The following PLD1 variants were observed in gnomAD, a reference collection of about 807,000 sequenced individuals.
The protein encoded by PLD1 is phospholipase D1, also known as choline phosphatase 1.
In PLD1, 112 loss-of-function variants were observed where a neutral mutation model predicts 137.1. The ratio of observed to expected loss-of-function variants is 0.82; its 90% confidence interval spans 0.70 to 0.96. PLD1 has a LOEUF of 0.96. Among genes scored for constraint, PLD1 ranks in the 40% least tolerant of loss-of-function variants. PLD1 has a pLI of 0.00. For missense variants in PLD1, 1,321 were observed against 1,342.0 expected (o/e 0.98, Z 0.24); for synonymous variants, 431 against 454.7 (o/e 0.95, Z 0.66).
intron 19 of PLD1, among the ~76,000 whole-genome samples, chr3:171,671,542 C>T (rs1048132673): frequency 3.3e-5 from 5 of 152,306 alleles, no homozygotes; most frequent in African/African-American, 1.2e-4. Flanking sequence ...AGCCTCTTCA[C>T]TTGTCCCCTT....
At chr3:171,611,340 G>C (rs1290412572) in intron 25 of PLD1, 1 of 207,038 alleles carries the variant, frequency 4.8e-6, no homozygotes, top group African/African-American at 2.3e-5. Flanking sequence ...TATATTACTT[G>C]TTCCTTGTGA....
chr3:171,639,478 AATAG>A (rs1490687737), intron 23 of PLD1, among the ~76,000 whole-genome samples: 12 of 119,982 alleles, frequency 1.0e-4, no homozygotes, highest in African/African-American at 2.7e-4. Context: ...ATTCATTTTT[AATAG>A]ATAAATATTT....
chr3:171,620,742 C>CTCTCTATATATATA (rs1473647659), intron 23 of PLD1, among the ~76,000 whole-genome samples: 4 of 94,794 alleles, frequency 4.2e-5, no homozygotes, highest in Non-Finnish European at 8.1e-5. Flanking sequence ...CTCTCTCTCT[C>CTCTCTATATATATA]TATATATATA....
chr3:171,629,966 G>A (rs1274435888), intron 23 of PLD1, among the ~76,000 whole-genome samples: 2 of 152,206 alleles, frequency 1.3e-5, no homozygotes, highest in African/African-American at 2.4e-5. Context: ...AGGACTTCAT[G>A]TCTAAAACAC....
At chr3:171,636,303 T>G (rs1350413890) in intron 23 of PLD1, among the ~76,000 whole-genome samples, 1 of 152,012 alleles carries the variant, frequency 6.6e-6, no homozygotes, top group Non-Finnish European at 1.5e-5. Flanking sequence ...GCTTGTCAAT[T>G]TTTTCAAAAA....
Position 171,602,860 on chromosome 3 carries a change from C to T in PLD1, c.*218G>A, listed in dbSNP as rs1390811811. On this transcript the variant is annotated 3_prime_UTR_variant, in exon 27 of 27. Coordinates refer to ENST00000351298, the MANE Select transcript of PLD1 (RefSeq NM_002662.5). ...TACATGCTACCAACAAGAATGCAGC[C>T]CCCTTTTTACAAGTTAGGCAGAAGG... 7.1e-6 allele frequency: 4 copies of T among 564,510 alleles called. No homozygotes were observed. In the Admixed American group the frequency reaches 1.2e-4, roughly 18 times the overall value. The allele number at this position is 564,510 out of a possible 1,614,324, so 35.0% of individuals were successfully genotyped here. A position where few individuals can be genotyped will look rare whatever the true frequency, so the allele number is the denominator to read the frequency against.
intron 23 of PLD1, among the ~76,000 whole-genome samples, chr3:171,642,168 T>C (rs1578170998): frequency 6.6e-6 from 1 of 151,992 alleles, no homozygotes; most frequent in South Asian, 2.1e-4. Flanking sequence ...TAAGAACACA[T>C]CTGAGGCTGC....
chr3:171,781,609 C>G (rs148799728), intron 1 of PLD1, among the ~76,000 whole-genome samples: 18 of 152,276 alleles, frequency 1.2e-4, no homozygotes, highest in African/African-American at 4.1e-4. Flanking sequence ...GGAAGACAGA[C>G]TCGTGATCAC....
At chr3:171,688,985 C>A in intron 13 of PLD1, 109 bp from the exon 14 acceptor site, 2 of 743,404 alleles carry the variant, frequency 2.7e-6, no homozygotes, top group Non-Finnish European at 4.7e-6. Flanking sequence ...ATTCAAATAC[C>A]AAACTGTACA....
At chr3:171,631,267 C>G (rs1476057466) in intron 23 of PLD1, among the ~76,000 whole-genome samples, 2 of 152,048 alleles carry the variant, frequency 1.3e-5, no homozygotes, top group Non-Finnish European at 2.9e-5. Context: ...GGCCAGCAAT[C>G]CCAAACCTAT....
chr3:171,664,482 G>T (rs1250874761), intron 19 of PLD1, among the ~76,000 whole-genome samples: 1 of 150,664 alleles, frequency 6.6e-6, no homozygotes, highest in African/African-American at 2.4e-5. Flanking sequence ...TTTTGAGACG[G>T]AGTCTTGTTC....
At chr3:171,697,674 A>G (rs978132205) in intron 12 of PLD1, among the ~76,000 whole-genome samples, 2 of 152,150 alleles carry the variant, frequency 1.3e-5, no homozygotes, top group African/African-American at 2.4e-5. Context: ...GTTTACATCT[A>G]CTACACCTAG....
At position 171,628,710 on chromosome 3, in the gene PLD1, C is replaced by T. The variant is rs879433349; in HGVS notation, c.2594-8190G>A. Reference sequence around the variant, plus strand: ...TGGGATGCAAGGCTGGTTCAATATACGCAAATCAATAAATGTAATCCAGCA... The same window carrying T: ...TGGGATGCAAGGCTGGTTCAATATATGCAAATCAATAAATGTAATCCAGCA... On this transcript the variant is annotated intron_variant, in intron 23 of 26. Coordinates refer to ENST00000351298, the MANE Select transcript of PLD1 (RefSeq NM_002662.5). 3.7e-3 allele frequency among the ~76,000 whole-genome samples: 551 copies of T among 150,684 alleles called. 2 individuals are homozygous for T. The highest frequency in any genetic ancestry group is 5.9e-3 in the Non-Finnish European group (395 of 67,356).
chr3:171,789,577 AT>A lies in PLD1; in HGVS notation c.-32+20821del, dbSNP rs1361713411. 5 of 152,368 alleles carry A rather than the reference AT, an allele frequency of 3.3e-5. No individual in the cohort carries two copies. In the South Asian group the frequency reaches 6.2e-4, roughly 19 times the overall value. The allele number at this position is 152,368 out of a possible 1,614,324, so 9.4% of individuals were successfully genotyped here. ...AAAAAAAGGTACAAATGAGAAAAAA[AT>A]ATTTGTGCTATTGAAAACTTGGACA... On this transcript the variant is annotated intron_variant, in intron 1 of 26. Transcript: ENST00000351298.
intron 23 of PLD1, among the ~76,000 whole-genome samples, chr3:171,622,607 T>C (rs1733731602): frequency 6.6e-6 from 1 of 151,672 alleles, no homozygotes; most frequent in South Asian, 2.1e-4. Flanking sequence ...TAGGAAATGA[T>C]GAATACTTTC....
chr3:171,799,757 C>T (rs1433089869), intron 1 of PLD1, among the ~76,000 whole-genome samples: 3 of 152,138 alleles, frequency 2.0e-5, no homozygotes, highest in East Asian at 1.9e-4. Context: ...ACCCTTGATA[C>T]GATGTAATAA....
intron 23 of PLD1, among the ~76,000 whole-genome samples, chr3:171,626,145 A>G (rs2108313086): frequency 1.3e-5 from 2 of 152,364 alleles, no homozygotes; most frequent in Middle Eastern, 6.8e-3. Flanking sequence ...ACCAATACAG[A>G]GAAGTGCTTA....
At position 171,709,709 on chromosome 3, in the gene PLD1, C is replaced by G; in HGVS notation, c.912G>C (p.Arg304Ser). The G allele has an allele frequency of 6.2e-7, 1 of 1,609,304 alleles. No homozygotes were observed. The highest frequency in any genetic ancestry group is 1.3e-5 in the African/African-American group (1 of 74,672). ...AGCTGTTGCATTTTAAAATAAGTGT[C>G]CTTTAAAGAAAAAGCCAAATATTGA... ...KYGIRIDNLS[R>S]TLILKCNSYR... is the part of the protein sequence containing the mutation. Residue 304 changes from arginine (R) to serine (S), a missense_variant and splice_region_variant, in exon 10 of 27, where the codon AGG (arginine) becomes AGC (serine). Physicochemically the swap from Arg to Ser is moderately radical, Grantham distance 110 (BLOSUM62 -1). Transcript: ENST00000351298.
At chr3:171,738,241 G>A (rs1719522539) in intron 1 of PLD1, among the ~76,000 whole-genome samples, 159 bp from the exon 2 acceptor site, 1 of 150,108 alleles carries the variant, frequency 6.7e-6, no homozygotes, top group South Asian at 2.2e-4. Flanking sequence ...TTACGTTCCT[G>A]TTTAACATTT....
Sources: gnomAD v4.1 joint callset for allele counts (sites outside exome capture counted in the v4.1 genomes callset) on GRCh38, gnomAD v4.1.1 for gene constraint, MANE v1.5 for transcripts, NCBI Gene and HGNC (gene_info 2026-07-23, HGNC 2026-07-21) for gene names.